Variants in DPYD observed in about 807,000 individuals in gnomAD.
DPYD encodes dihydropyrimidine dehydrogenase.
Under a neutral mutation model 116.2 loss-of-function variants are expected in DPYD, and 109 were observed. That is an observed-to-expected ratio of 0.94 (90% CI 0.80 to 1.10). The LOEUF (loss-of-function observed/expected upper bound fraction) is 1.10, where lower values mean the gene tolerates loss of function less well. Among genes scored for constraint, DPYD ranks in the 50% least tolerant of loss-of-function variants. The probability of loss-of-function intolerance (pLI) is 0.00; values close to 1 mark genes in which losing one functional copy is unlikely to be tolerated. For missense variants in DPYD, 1,302 were observed against 1,254.5 expected, an observed-to-expected ratio of 1.04 and a Z score of -0.57; for synonymous variants, 440 against 432.0, an observed-to-expected ratio of 1.02 and a Z score of -0.23.
At chr1:97,119,569 AG>A in intron 20 of DPYD, among the ~76,000 whole-genome samples, 1 of 152,204 alleles carries the variant, frequency 6.6e-6, no homozygotes, top group Non-Finnish European at 1.5e-5. Context: ...ATCTAGAAGG[AG>A]GGGCAACCTT....
intron 13 of DPYD, among the ~76,000 whole-genome samples, chr1:97,478,081 G>A (rs559860133): frequency 1.3e-5 from 2 of 152,262 alleles, no homozygotes; most frequent in African/African-American, 4.8e-5. Context: ...ATGGATATGT[G>A]TTAGAAGACA....
At chr1:97,489,377 T>C (rs1328170155) in intron 13 of DPYD, among the ~76,000 whole-genome samples, 1 of 152,220 alleles carries the variant, frequency 6.6e-6, no homozygotes, top group Non-Finnish European at 1.5e-5. Context: ...TGCTCATCTA[T>C]ACACAATACT....
At chr1:97,344,971 C>T (rs1240140618) in intron 16 of DPYD, among the ~76,000 whole-genome samples, 1 of 151,872 alleles carries the variant, frequency 6.6e-6, no homozygotes, top group African/African-American at 2.4e-5. Flanking sequence ...TGCTTCCCCA[C>T]ACTCTCTATA....
intron 2 of DPYD, among the ~76,000 whole-genome samples, chr1:97,861,989 C>T (rs748624465): frequency 6.6e-6 from 1 of 151,858 alleles, no homozygotes; most frequent in South Asian, 2.1e-4. Flanking sequence ...GTAAGAAATG[C>T]AAAACAATGA....
intron 3 of DPYD, among the ~76,000 whole-genome samples, chr1:97,816,981 T>C (rs1279258274): frequency 6.6e-6 from 1 of 152,188 alleles, no homozygotes; most frequent in Non-Finnish European, 1.5e-5. Context: ...AAACATTATT[T>C]GAAATTTCTT....
intron 14 of DPYD, among the ~76,000 whole-genome samples, chr1:97,408,105 G>A (rs1327459347): frequency 6.6e-6 from 1 of 152,102 alleles, no homozygotes; most frequent in East Asian, 1.9e-4. Context: ...ACGTCAATGG[G>A]AAACTACAAC....
chr1:97,323,810 T>C (rs1668563115), intron 16 of DPYD, among the ~76,000 whole-genome samples: 2 of 151,264 alleles, frequency 1.3e-5, no homozygotes, highest in Admixed American at 1.3e-4. Context: ...ATTTTGGCTG[T>C]CTGAAATTTG....
In DPYD at chr1:97,164,420, C is replaced by T. The variant is rs184910396; in HGVS notation, c.2622+28649G>A. ...CTATTCAACATGGTACTGGAATACC[C>T]GGCCAGAGCAATTAGGCAAGAGAAA... is the stretch of plus-strand genomic sequence containing the variant. On this transcript the variant is annotated intron_variant, in intron 20 of 22. Transcript: ENST00000370192. 7.3e-4 allele frequency among the ~76,000 whole-genome samples: 111 copies of T among 152,158 alleles called. 2 individuals carry two copies. The highest frequency in any genetic ancestry group is 2.5e-3 in the African/African-American group (104 of 41,532).
At chr1:97,145,295 A>C (rs1159813542) in intron 20 of DPYD, among the ~76,000 whole-genome samples, 1 of 152,138 alleles carries the variant, frequency 6.6e-6, no homozygotes, top group African/African-American at 2.4e-5. Context: ...TGGAGAAAAA[A>C]AATCCATGCT....
chr1:97,326,417 A>C (rs1668708886), intron 16 of DPYD, among the ~76,000 whole-genome samples: 1 of 151,940 alleles, frequency 6.6e-6, no homozygotes, highest in African/African-American at 2.4e-5. Context: ...AGTCATTGGC[A>C]TAACTCTCAA....
intron 3 of DPYD, among the ~76,000 whole-genome samples, chr1:97,753,829 A>G (rs1462051675): frequency 6.6e-6 from 1 of 152,100 alleles, no homozygotes; most frequent in African/African-American, 2.4e-5. Flanking sequence ...CAATAAAAAT[A>G]TATAATGGAT....
At chr1:97,467,419 T>A (rs1356444980) in intron 13 of DPYD, among the ~76,000 whole-genome samples, 2 of 152,230 alleles carry the variant, frequency 1.3e-5, no homozygotes, top group Admixed American at 1.3e-4. Context: ...CTTCATGATA[T>A]CCTGCCCTTT....
At chr1:97,612,493 C>T (rs1656006403) in intron 8 of DPYD, among the ~76,000 whole-genome samples, 2 of 151,908 alleles carry the variant, frequency 1.3e-5, no homozygotes, top group Non-Finnish European at 2.9e-5. Context: ...ATGATTCCTC[C>T]CATGTGGCTG....
At chr1:97,874,557 A>T (rs1441342559) in intron 2 of DPYD, among the ~76,000 whole-genome samples, 1 of 151,934 alleles carries the variant, frequency 6.6e-6, no homozygotes, top group Non-Finnish European at 1.5e-5. Context: ...ATATTTGAGA[A>T]TCCTTAAAAA....
At chr1:97,577,236 G>C (rs961607655) in intron 10 of DPYD, among the ~76,000 whole-genome samples, 4 of 152,066 alleles carry the variant, frequency 2.6e-5, no homozygotes, top group Non-Finnish European at 4.4e-5. Flanking sequence ...CCTCCCTGCA[G>C]CACCCCCGTT....
At chr1:97,284,878 G>A (rs1665563047) in intron 18 of DPYD, among the ~76,000 whole-genome samples, 1 of 152,084 alleles carries the variant, frequency 6.6e-6, no homozygotes, top group Admixed American at 6.6e-5. Context: ...CTGTATTTTT[G>A]ATTCTGTATT....
chr1:97,704,747 A>T (rs2100985729), intron 5 of DPYD, among the ~76,000 whole-genome samples: 1 of 151,920 alleles, frequency 6.6e-6, no homozygotes, highest in Admixed American at 6.6e-5. Context: ...GGTGAGAAAG[A>T]CCCCTCTTTT....
chr1:97,704,496 A>T (rs1017894849), intron 5 of DPYD, among the ~76,000 whole-genome samples: 13 of 152,194 alleles, frequency 8.5e-5, no homozygotes, highest in African/African-American at 3.1e-4. Flanking sequence ...ACAAATTACA[A>T]AATTTAAAAT....
intron 11 of DPYD, among the ~76,000 whole-genome samples, chr1:97,559,708 TTTTG>T (rs1210424145): frequency 6.6e-6 from 1 of 152,100 alleles, no homozygotes; most frequent in Non-Finnish European, 1.5e-5. Context: ...CACAGTAGAA[TTTTG>T]TTTAAACAAT....
Sources: allele counts gnomAD v4.1 joint callset (sites outside exome capture counted in the v4.1 genomes callset), GRCh38; gene constraint gnomAD v4.1.1; transcripts MANE v1.5; gene names NCBI Gene and HGNC (gene_info 2026-07-23, HGNC 2026-07-21).